The following EXOC6B variants were observed in gnomAD, a reference collection of about 807,000 sequenced individuals.
EXOC6B encodes the protein exocyst complex component 6B, also known as SEC15 homolog B.
EXOC6B carries 54 observed loss-of-function variants against 113.5 expected under a neutral mutation model. The observed-to-expected ratio is 0.48, with a 90% CI of 0.38 to 0.60. The LOEUF (loss-of-function observed/expected upper bound fraction) is 0.60. Ranked by LOEUF, EXOC6B falls within the 20% of genes least tolerant of loss-of-function variation. The pLI is 0.00. For synonymous variants in EXOC6B, 357 were observed against 339.0 expected (o/e 1.05, Z -0.58); for missense variants, 797 against 977.5 (o/e 0.82, Z 2.46).
chr2:72,631,492 AG>A, intron 6 of EXOC6B, among the ~76,000 whole-genome samples: 1 of 122,636 alleles, frequency 8.2e-6, no homozygotes, highest in African/African-American at 3.2e-5. Flanking sequence ...AGAGAGAGAG[AG>A]AGAGAGAGAG....
intron 1 of EXOC6B, among the ~76,000 whole-genome samples, chr2:72,743,677 G>GT (rs749805036): frequency 2.6e-5 from 4 of 152,130 alleles, no homozygotes; most frequent in Non-Finnish European, 5.9e-5. Context: ...ACAGGTAGTA[G>GT]ACAATAAGTA....
intron 6 of EXOC6B, among the ~76,000 whole-genome samples, chr2:72,612,522 T>C (rs1246344743): frequency 6.6e-6 from 1 of 152,170 alleles, no homozygotes; most frequent in African/African-American, 2.4e-5. Flanking sequence ...TTGAGATGTA[T>C]ACAAAAGTCA....
At chr2:72,446,952 AT>A (rs1321393546) in intron 18 of EXOC6B, among the ~76,000 whole-genome samples, 1 of 152,078 alleles carries the variant, frequency 6.6e-6, no homozygotes, top group African/African-American at 2.4e-5. Flanking sequence ...ATACAAAAAA[AT>A]TAGCTGGGCG....
intron 6 of EXOC6B, among the ~76,000 whole-genome samples, chr2:72,678,705 CCAA>C (rs950970592): frequency 1.6e-4 from 24 of 152,014 alleles, no homozygotes; most frequent in Middle Eastern, 3.4e-3. Context: ...GACTCTGTCT[CCAA>C]CAACAACAAA....
chr2:72,253,462 TA>T (rs1298959242), intron 20 of EXOC6B, among the ~76,000 whole-genome samples: 1 of 152,158 alleles, frequency 6.6e-6, no homozygotes, highest in Admixed American at 6.5e-5. Flanking sequence ...CTATCAATGG[TA>T]GGCCGGATAG....
intron 11 of EXOC6B, among the ~76,000 whole-genome samples, chr2:72,509,465 T>C (rs961996642): frequency 3.3e-5 from 5 of 152,104 alleles, no homozygotes; most frequent in Non-Finnish European, 7.4e-5. Flanking sequence ...TTTATGGTTG[T>C]AGAAAAAGGA....
chr2:72,296,490 T>C (rs937503585), intron 20 of EXOC6B, among the ~76,000 whole-genome samples: 9 of 152,210 alleles, frequency 5.9e-5, no homozygotes, highest in Non-Finnish European at 1.2e-4. Flanking sequence ...ATGTATAGCA[T>C]ACATTTAGAT....
chr2:72,204,550 G>GAA (rs544117662), intron 20 of EXOC6B, among the ~76,000 whole-genome samples: 22 of 130,716 alleles, frequency 1.7e-4, no homozygotes, highest in Admixed American at 2.8e-4. Flanking sequence ...AAGACCAGAA[G>GAA]AAGAAAAAAA....
chr2:72,818,720 G>T (rs188051113), intron 1 of EXOC6B, among the ~76,000 whole-genome samples: 1 of 152,238 alleles, frequency 6.6e-6, no homozygotes, highest in African/African-American at 2.4e-5. Context: ...TAAAATCAAA[G>T]TCTCTTTCTT....
chr2:72,253,396 A>C (rs866641804), intron 20 of EXOC6B, among the ~76,000 whole-genome samples: 7 of 152,212 alleles, frequency 4.6e-5, no homozygotes, highest in Non-Finnish European at 8.8e-5. Flanking sequence ...ACACACATGA[A>C]AATATTTTTC....
intron 1 of EXOC6B, among the ~76,000 whole-genome samples, chr2:72,797,152 T>C (rs1481180996): frequency 1.3e-5 from 2 of 152,162 alleles, no homozygotes; most frequent in African/African-American, 4.8e-5. Flanking sequence ...CACACCATAA[T>C]TTTCTTTGAT....
intron 1 of EXOC6B, among the ~76,000 whole-genome samples, chr2:72,816,278 G>GAA (rs367745454): frequency 8.6e-5 from 13 of 151,374 alleles, no homozygotes; most frequent in Non-Finnish European, 1.5e-4. Flanking sequence ...TCCAGAAACA[G>GAA]AACTAGTTTA....
At chr2:72,329,982 A>G (rs1688337804) in intron 20 of EXOC6B, among the ~76,000 whole-genome samples, 1 of 151,990 alleles carries the variant, frequency 6.6e-6, no homozygotes, top group Non-Finnish European at 1.5e-5. Context: ...GCTCAATCTA[A>G]AAAAAAGCCC....
intron 18 of EXOC6B, among the ~76,000 whole-genome samples, chr2:72,389,098 C>T (rs187560350): frequency 2.0e-5 from 3 of 152,124 alleles, no homozygotes; most frequent in Admixed American, 2.0e-4. Flanking sequence ...TTATGTTGAT[C>T]TTAGTTGTCT....
intron 9 of EXOC6B, 66 bp from the exon 10 acceptor site, chr2:72,514,746 C>A: frequency 1.0e-6 from 1 of 992,208 alleles, no homozygotes; most frequent in South Asian, 1.5e-5. Flanking sequence ...AAGTTAAAAT[C>A]AGTCACTTAA....
chr2:72,355,004 T>C (rs1689888672), intron 19 of EXOC6B, among the ~76,000 whole-genome samples: 1 of 152,224 alleles, frequency 6.6e-6, no homozygotes, highest in African/African-American at 2.4e-5. Context: ...AATCTATAAA[T>C]TCCCAAAGAA....
At chr2:72,431,266 C>T (rs1429380639) in intron 18 of EXOC6B, among the ~76,000 whole-genome samples, 1 of 152,072 alleles carries the variant, frequency 6.6e-6, no homozygotes, top group African/African-American at 2.4e-5. Context: ...AAATTCATAA[C>T]TTGGCTTCAA....
chr2:72,623,104 C>G (rs947382124), intron 6 of EXOC6B, among the ~76,000 whole-genome samples: 8 of 152,012 alleles, frequency 5.3e-5, no homozygotes, highest in Admixed American at 1.3e-4. Context: ...TACATTTAAG[C>G]TATCACTTAT....
chr2:72,444,229 C>A (rs1438830500), intron 18 of EXOC6B, among the ~76,000 whole-genome samples: 2 of 152,220 alleles, frequency 1.3e-5, no homozygotes, highest in African/African-American at 4.8e-5. Context: ...TCTCCTTTGA[C>A]TCCATGTCTC....
Sources: gnomAD v4.1 joint callset for allele counts (sites outside exome capture counted in the v4.1 genomes callset) on GRCh38, gnomAD v4.1.1 for gene constraint, MANE v1.5 for transcripts, NCBI Gene and HGNC (gene_info 2026-07-23, HGNC 2026-07-21) for gene names.